The following SOX5 variants were observed in gnomAD, a reference collection of about 807,000 sequenced individuals.
SOX5 encodes the protein transcription factor SOX-5.
A neutral mutation model predicts 92.0 loss-of-function variants in SOX5; 9 were observed. The observed-to-expected ratio is 0.10, with a 90% CI of 0.06 to 0.17. SOX5 has a LOEUF of 0.17. SOX5 is among the 10% of genes least tolerant of loss of function. The pLI, the probability that SOX5 is intolerant of heterozygous loss-of-function variation, is 1.00. For missense variants in SOX5, 642 were observed against 944.5 expected (o/e 0.68, Z 4.20); for synonymous variants, 344 against 336.3 (o/e 1.02, Z -0.25).
chr12:23,904,304 A>G (rs1009394008), intron 1 of SOX5, among the ~76,000 whole-genome samples: 7 of 151,104 alleles, frequency 4.6e-5, no homozygotes, highest in Admixed American at 3.9e-4. Flanking sequence ...CAATCTCCAT[A>G]CTTCTCTACC....
intron 1 of SOX5, among the ~76,000 whole-genome samples, chr12:24,439,721 C>T (rs953925612): frequency 2.6e-5 from 4 of 151,960 alleles, no homozygotes; most frequent in Admixed American, 1.3e-4. Context: ...AGTGAAACCC[C>T]GTCTCTACTA....
intron 4 of SOX5, among the ~76,000 whole-genome samples, chr12:24,095,127 ACAGAGAGAGAG>A (rs1296616913): frequency 1.5e-5 from 1 of 64,716 alleles, no homozygotes; most frequent in Non-Finnish European, 3.7e-5. Flanking sequence ...ACACACACAC[ACAGAGAGAGAG>A]AGAGAGAGAG....
chr12:24,375,228 C>A (rs1957139454), intron 1 of SOX5, among the ~76,000 whole-genome samples: 1 of 151,864 alleles, frequency 6.6e-6, no homozygotes, highest in African/African-American at 2.4e-5. Context: ...CCGCCTCAGC[C>A]TCCCAAAGTG....
chr12:24,256,880 A>G (rs1323590028), intron 3 of SOX5, among the ~76,000 whole-genome samples: 1 of 152,148 alleles, frequency 6.6e-6, no homozygotes, highest in African/African-American at 2.4e-5. Flanking sequence ...GCACTTGTCA[A>G]CTGTCATTAA....
chr12:23,849,228 T>C (rs144036441), intron 2 of SOX5, among the ~76,000 whole-genome samples: 270 of 152,324 alleles, frequency 1.8e-3, no homozygotes, highest in African/African-American at 6.1e-3. Flanking sequence ...AAGAAACATG[T>C]TATTATGCTT....
chr12:24,399,272 G>A (rs1272832332), intron 1 of SOX5, among the ~76,000 whole-genome samples: 3 of 152,244 alleles, frequency 2.0e-5, no homozygotes, highest in South Asian at 4.1e-4. Flanking sequence ...AGGACCCATA[G>A]GAGTGAAGGA....
At chr12:23,632,138 T>C (rs2078622087) in intron 8 of SOX5, 2 of 152,150 alleles carry the variant, frequency 1.3e-5, no homozygotes, top group South Asian at 4.1e-4. Flanking sequence ...CATATGCAAA[T>C]GACTCACTCT....
At chr12:24,030,248 C>G (rs1284312966) in intron 4 of SOX5, among the ~76,000 whole-genome samples, 2 of 151,834 alleles carry the variant, frequency 1.3e-5, no homozygotes, top group African/African-American at 4.8e-5. Flanking sequence ...AATAAATCTA[C>G]AGCAAAAAGA....
chr12:24,184,015 T>C (rs1955776885), intron 4 of SOX5, among the ~76,000 whole-genome samples: 2 of 152,174 alleles, frequency 1.3e-5, no homozygotes, highest in South Asian at 4.1e-4. Context: ...TATAATTTCA[T>C]GCTATCTGTA....
chr12:23,852,722 G>A (rs755936981), intron 2 of SOX5, among the ~76,000 whole-genome samples: 1 of 152,166 alleles, frequency 6.6e-6, no homozygotes, highest in Non-Finnish European at 1.5e-5. Context: ...AGTGACAGGT[G>A]ATTTTTATAA....
chr12:24,461,694 A>C (rs1943651128), intron 1 of SOX5, among the ~76,000 whole-genome samples: 1 of 152,214 alleles, frequency 6.6e-6, no homozygotes, highest in Non-Finnish European at 1.5e-5. Flanking sequence ...ATAGTAATAA[A>C]ACCTAACCTT....
chr12:23,679,558 C>G (rs1269910943), intron 6 of SOX5, among the ~76,000 whole-genome samples: 5 of 152,122 alleles, frequency 3.3e-5, no homozygotes, highest in Non-Finnish European at 5.9e-5. Flanking sequence ...AAATAATGTA[C>G]TACTATAACT....
intron 4 of SOX5, among the ~76,000 whole-genome samples, chr12:24,158,591 G>T (rs773820239): frequency 6.6e-6 from 1 of 151,774 alleles, no homozygotes. Context: ...TTTCAAATGG[G>T]GTTTGCCCCT....
At chr12:24,278,606 G>C (rs947274593) in intron 2 of SOX5, among the ~76,000 whole-genome samples, 5 of 152,060 alleles carry the variant, frequency 3.3e-5, no homozygotes, top group Admixed American at 3.3e-4. Flanking sequence ...AGCTATTTGG[G>C]AGAATGAGGT....
At chr12:24,156,650 T>C (rs911153681) in intron 4 of SOX5, among the ~76,000 whole-genome samples, 4 of 152,180 alleles carry the variant, frequency 2.6e-5, no homozygotes, top group Admixed American at 6.6e-5. Context: ...AATTAATTTA[T>C]GTACTCATAT....
At chr12:23,730,929 G>T (rs1437513732) in intron 6 of SOX5, among the ~76,000 whole-genome samples, 1 of 152,208 alleles carries the variant, frequency 6.6e-6, no homozygotes, top group East Asian at 1.9e-4. Context: ...GCCGGGGTGT[G>T]TTGTGAGGTT....
chr12:23,770,580 T>G (rs1439477557), intron 3 of SOX5, among the ~76,000 whole-genome samples: 3 of 152,166 alleles, frequency 2.0e-5, no homozygotes, highest in African/African-American at 7.2e-5. Context: ...TACTTTGTTA[T>G]GGAACTTATA....
chr12:24,263,537 A>AAC (rs1353367312), intron 3 of SOX5, among the ~76,000 whole-genome samples: 3 of 136,030 alleles, frequency 2.2e-5, no homozygotes, highest in Admixed American at 1.4e-4. Context: ...CAAAAAAAAA[A>AAC]AAACAAAAAA....
chr12:24,166,359 C>G (rs114818243), intron 4 of SOX5, among the ~76,000 whole-genome samples: 1 of 152,070 alleles, frequency 6.6e-6, no homozygotes, highest in African/African-American at 2.4e-5. Context: ...ACAGACCTCC[C>G]GTTCAAGAGA....
Sources: allele counts gnomAD v4.1 joint callset (sites outside exome capture counted in the v4.1 genomes callset), GRCh38; gene constraint gnomAD v4.1.1; transcripts MANE v1.5; gene names NCBI Gene and HGNC (gene_info 2026-07-23, HGNC 2026-07-21).